Variants in SMIM35 observed in about 807,000 individuals in gnomAD.
The protein encoded by SMIM35 is small integral membrane protein 35.
chr11:118,043,749 G>C (rs1053654366), intron 1 of SMIM35, among the ~76,000 whole-genome samples: 11 of 149,124 alleles, frequency 7.4e-5, no homozygotes, highest in Non-Finnish European at 1.6e-4. Flanking sequence ...GGTGGAGTGA[G>C]CCAAGATCGC....
intron 1 of SMIM35, among the ~76,000 whole-genome samples, chr11:118,066,980 T>C (rs1202490432): frequency 6.6e-6 from 1 of 152,122 alleles, no homozygotes; most frequent in Non-Finnish European, 1.5e-5. Context: ...GGCCATTTGC[T>C]TGTGCTTGCC....
intron 1 of SMIM35, among the ~76,000 whole-genome samples, chr11:118,028,392 A>G (rs2058291448): frequency 6.6e-6 from 1 of 152,196 alleles, no homozygotes; most frequent in African/African-American, 2.4e-5. Context: ...GACTTGGGAT[A>G]TAAGTCCTAT....
At chr11:118,007,400 C>G (rs546615997) in intron 4 of SMIM35, among the ~76,000 whole-genome samples, 1 of 152,166 alleles carries the variant, frequency 6.6e-6, no homozygotes, top group Non-Finnish European at 1.5e-5. Flanking sequence ...GAAGATGTAA[C>G]TTCTTTTTTT....
At chr11:118,014,899 G>A (rs904691304) in intron 2 of SMIM35, among the ~76,000 whole-genome samples, 158 bp from the exon 3 acceptor site, 1 of 152,022 alleles carries the variant, frequency 6.6e-6, no homozygotes, top group Non-Finnish European at 1.5e-5. Flanking sequence ...CTCCTTCAGG[G>A]CCCCCCATTA....
intron 1 of SMIM35, among the ~76,000 whole-genome samples, chr11:118,072,993 T>C (rs973014146): frequency 6.6e-6 from 1 of 152,242 alleles, no homozygotes; most frequent in Non-Finnish European, 1.5e-5. Flanking sequence ...AGATCTTGGG[T>C]CACTGCAACC....
chr11:118,070,396 C>T (rs1484598603), intron 1 of SMIM35, among the ~76,000 whole-genome samples: 2 of 152,142 alleles, frequency 1.3e-5, no homozygotes, highest in East Asian at 3.9e-4. Flanking sequence ...AGGCTGGTCT[C>T]GAACTCCTGA....
intron 1 of SMIM35, among the ~76,000 whole-genome samples, chr11:118,035,009 T>C (rs924265608): frequency 2.2e-4 from 33 of 151,446 alleles, no homozygotes; most frequent in African/African-American, 8.0e-4. Flanking sequence ...TGGAGTGCAG[T>C]GGCACAATCT....
intron 1 of SMIM35, among the ~76,000 whole-genome samples, chr11:118,041,660 C>G (rs1591292866): frequency 6.6e-6 from 1 of 152,046 alleles, no homozygotes; most frequent in South Asian, 2.1e-4. Context: ...ATGCAATGAT[C>G]AGAGAAAAAT....
chr11:118,053,809 A>T (rs1192427734), intron 1 of SMIM35, among the ~76,000 whole-genome samples: 1 of 152,194 alleles, frequency 6.6e-6, no homozygotes, highest in Non-Finnish European at 1.5e-5. Context: ...TTCCTCTGAC[A>T]GTGATGTGGT....
chr11:118,019,097 A>AT (rs1437544955), intron 1 of SMIM35, among the ~76,000 whole-genome samples: 1 of 152,222 alleles, frequency 6.6e-6, no homozygotes, highest in East Asian at 1.9e-4. Flanking sequence ...ATTACTTCAT[A>AT]TTTTTAACAA....
intron 1 of SMIM35, among the ~76,000 whole-genome samples, chr11:118,080,015 C>A (rs1565405543): frequency 6.6e-6 from 1 of 152,162 alleles, no homozygotes; most frequent in Non-Finnish European, 1.5e-5. Flanking sequence ...TCCCCCCCCA[C>A]CAAAAGAAGC....
chr11:118,033,627 T>G (rs892894150), intron 1 of SMIM35, among the ~76,000 whole-genome samples: 2 of 152,120 alleles, frequency 1.3e-5, no homozygotes, highest in African/African-American at 2.4e-5. Context: ...GAACGCAGAT[T>G]TTGGGTTTCA....
At chr11:118,038,605 A>T (rs991463618) in intron 1 of SMIM35, among the ~76,000 whole-genome samples, 1 of 152,186 alleles carries the variant, frequency 6.6e-6, no homozygotes, top group Non-Finnish European at 1.5e-5. Flanking sequence ...ACACAACAGA[A>T]TAAAAATGGT....
chr11:118,028,605 T>A (rs1056866174), intron 1 of SMIM35: 2 of 232,638 alleles, frequency 8.6e-6, no homozygotes, highest in Non-Finnish European at 1.7e-5. Context: ...AATGTTGACA[T>A]GGGAAACTTG....
intron 1 of SMIM35, among the ~76,000 whole-genome samples, chr11:118,074,433 C>T (rs562639723): frequency 6.6e-6 from 1 of 152,212 alleles, no homozygotes; most frequent in East Asian, 1.9e-4. Context: ...TGAGGGAGAG[C>T]TGAGGCTTCC....
At chr11:118,013,151 A>T (rs544562216) in intron 4 of SMIM35, among the ~76,000 whole-genome samples, 2 of 151,788 alleles carry the variant, frequency 1.3e-5, no homozygotes, top group East Asian at 3.9e-4. Context: ...TCCAGAGGAG[A>T]CCCCCTCATT....
chr11:118,050,003 A>G (rs1944183408), intron 1 of SMIM35, among the ~76,000 whole-genome samples: 2 of 152,136 alleles, frequency 1.3e-5, no homozygotes, highest in Non-Finnish European at 2.9e-5. Context: ...GGGGCCCAGG[A>G]TCCTTGTGGG....
At chr11:118,009,311 G>A (rs183220894) in intron 4 of SMIM35, among the ~76,000 whole-genome samples, 40 of 152,342 alleles carry the variant, frequency 2.6e-4, no homozygotes, top group Non-Finnish European at 8.8e-5. Flanking sequence ...GAGGCTAGAA[G>A]TGGGTGACAA....
At chr11:118,025,535 A>G (rs1181327840) in intron 1 of SMIM35, 1 of 455,136 alleles carries the variant, frequency 2.2e-6, no homozygotes, top group South Asian at 1.6e-5. Flanking sequence ...CATTTTTCCA[A>G]TGATTAGTGA....
Sources: allele counts gnomAD v4.1 joint callset (sites outside exome capture counted in the v4.1 genomes callset), GRCh38; gene constraint gnomAD v4.1.1; transcripts MANE v1.5; gene names NCBI Gene and HGNC (gene_info 2026-07-23, HGNC 2026-07-21).